Variants in PTPRD observed in about 807,000 individuals in gnomAD.
PTPRD encodes the protein protein tyrosine phosphatase receptor type D.
In PTPRD, 34 loss-of-function variants were observed where a neutral mutation model predicts 214.5. The observed-to-expected ratio is 0.16, with a 90% CI of 0.12 to 0.21. PTPRD has a LOEUF of 0.21. PTPRD is among the 10% of genes least tolerant of loss of function. The pLI, the probability that PTPRD is intolerant of heterozygous loss-of-function variation, is 1.00. For missense variants in PTPRD, 2,545 were observed against 2,398.7 expected (o/e 1.06, Z -1.27); for synonymous variants, 1,128 against 845.7 (o/e 1.33, Z -5.79).
intron 9 of PTPRD, among the ~76,000 whole-genome samples, chr9:9,387,607 G>C (rs1446382828): frequency 1.6e-4 from 24 of 152,028 alleles, no homozygotes; most frequent in Admixed American, 1.6e-3. Context: ...TTTAAATTAA[G>C]TGAGCAGAAA....
chr9:9,236,761 G>A (rs575989954), intron 9 of PTPRD, among the ~76,000 whole-genome samples: 1 of 151,742 alleles, frequency 6.6e-6, no homozygotes, highest in Non-Finnish European at 1.5e-5. Context: ...TGGGCTTTGT[G>A]TGCAGGCAGC....
intron 9 of PTPRD, among the ~76,000 whole-genome samples, chr9:9,371,517 G>A (rs1240238027): frequency 1.3e-5 from 2 of 151,914 alleles, no homozygotes; most frequent in East Asian, 3.9e-4. Context: ...TTCTTTATTA[G>A]TCTTGCTAGT....
intron 14 of PTPRD, among the ~76,000 whole-genome samples, chr9:8,588,037 C>T (rs1035167102): frequency 9.2e-5 from 14 of 152,218 alleles, no homozygotes; most frequent in African/African-American, 2.4e-4. Context: ...GCAGCTCCCC[C>T]GTGACAATTT....
intron 9 of PTPRD, among the ~76,000 whole-genome samples, chr9:9,217,111 T>C (rs1037700538): frequency 6.6e-6 from 1 of 152,112 alleles, no homozygotes; most frequent in African/African-American, 2.4e-5. Flanking sequence ...AGGGCCCCTT[T>C]AGCCAAAGAG....
intron 12 of PTPRD, among the ~76,000 whole-genome samples, chr9:8,651,921 A>G (rs1378587935): frequency 6.6e-6 from 1 of 152,220 alleles, no homozygotes; most frequent in Non-Finnish European, 1.5e-5. Context: ...TACTTTTCAA[A>G]TATCAAGTCC....
chr9:8,367,490 C>T (rs528243270), intron 39 of PTPRD, among the ~76,000 whole-genome samples: 13 of 152,222 alleles, frequency 8.5e-5, no homozygotes, highest in Admixed American at 1.3e-4. Context: ...CAAAATTCTA[C>T]GATCTAAAAT....
chr9:9,428,616 T>C (rs912701985), intron 8 of PTPRD, among the ~76,000 whole-genome samples: 10 of 152,212 alleles, frequency 6.6e-5, no homozygotes, highest in Non-Finnish European at 1.0e-4. Flanking sequence ...CTCAGCACCA[T>C]GTCGCACTTA....
chr9:9,273,135 T>C (rs1295813394), intron 9 of PTPRD, among the ~76,000 whole-genome samples: 1 of 151,304 alleles, frequency 6.6e-6, no homozygotes, highest in Non-Finnish European at 1.5e-5. Flanking sequence ...ATTCCATTGT[T>C]AAGTGACCAT....
intron 3 of PTPRD, among the ~76,000 whole-genome samples, chr9:10,044,499 T>C (rs879757354): frequency 1.3e-5 from 2 of 151,790 alleles, no homozygotes; most frequent in Non-Finnish European, 3.0e-5. Context: ...ATCATTGCTA[T>C]CTGAACAAAT....
intron 44 of PTPRD, among the ~76,000 whole-genome samples, chr9:8,323,152 A>G (rs1830127553): frequency 6.6e-6 from 1 of 152,180 alleles, no homozygotes; most frequent in Non-Finnish European, 1.5e-5. Flanking sequence ...TTGACTGAAC[A>G]TTTTAAGGCC....
chr9:10,076,618 C>T (rs192688801), intron 3 of PTPRD, among the ~76,000 whole-genome samples: 2 of 152,094 alleles, frequency 1.3e-5, no homozygotes, highest in African/African-American at 2.4e-5. Flanking sequence ...GCTCCTCTCA[C>T]GGGCTGTCAT....
At chr9:10,177,056 G>T (rs999843941) in intron 3 of PTPRD, among the ~76,000 whole-genome samples, 4 of 151,878 alleles carry the variant, frequency 2.6e-5, no homozygotes, top group African/African-American at 9.7e-5. Context: ...GATATAATAA[G>T]ATTGAGTCCC....
intron 8 of PTPRD, among the ~76,000 whole-genome samples, chr9:9,519,282 T>TAA (rs2154252878): frequency 7.4e-6 from 1 of 135,710 alleles, no homozygotes; most frequent in Non-Finnish European, 1.7e-5. Context: ...AGTGGCCATA[T>TAA]AAAAACAGGA....
intron 10 of PTPRD, among the ~76,000 whole-genome samples, chr9:9,138,839 TTTATG>T (rs2099855238): frequency 6.6e-6 from 1 of 152,092 alleles, no homozygotes; most frequent in Non-Finnish European, 1.5e-5. Flanking sequence ...ATTAGGCCCT[TTTATG>T]TTTAATATAA....
At chr9:9,462,845 C>G (rs745345485) in intron 8 of PTPRD, among the ~76,000 whole-genome samples, 1 of 152,152 alleles carries the variant, frequency 6.6e-6, no homozygotes, top group Non-Finnish European at 1.5e-5. Flanking sequence ...CACTTTATCC[C>G]TCTTCTACCC....
chr9:9,465,162 T>C (rs1324120576), intron 8 of PTPRD, among the ~76,000 whole-genome samples: 1 of 152,194 alleles, frequency 6.6e-6, no homozygotes, highest in African/African-American at 2.4e-5. Context: ...AATACAGCAA[T>C]ATAGTTTAAT....
chr9:9,058,574 C>G (rs554741866), intron 10 of PTPRD, among the ~76,000 whole-genome samples: 293 of 149,384 alleles, frequency 2.0e-3, no homozygotes, highest in African/African-American at 6.5e-3. Flanking sequence ...CTCAGCCTCC[C>G]GAGTAGCTGG....
chr9:8,635,903 C>T (rs1236560622), intron 13 of PTPRD, among the ~76,000 whole-genome samples: 1 of 152,086 alleles, frequency 6.6e-6, no homozygotes, highest in East Asian at 1.9e-4. Context: ...ATTTCTAAAC[C>T]ATCAGCCTTC....
intron 9 of PTPRD, among the ~76,000 whole-genome samples, chr9:9,186,256 G>T (rs905367973): frequency 6.6e-6 from 1 of 152,168 alleles, no homozygotes; most frequent in Non-Finnish European, 1.5e-5. Flanking sequence ...ATAACAATAA[G>T]GGTTCTTTCA....
Sources: allele counts gnomAD v4.1 joint callset (sites outside exome capture counted in the v4.1 genomes callset), GRCh38; gene constraint gnomAD v4.1.1; transcripts MANE v1.5; gene names NCBI Gene and HGNC (gene_info 2026-07-23, HGNC 2026-07-21).